The following HSPB7 variants were observed in gnomAD, a reference collection of about 807,000 sequenced individuals.
HSPB7 encodes the protein heat shock protein beta-7.
HSPB7 carries 9 observed loss-of-function variants against 11.0 expected under a neutral mutation model. That is an observed-to-expected ratio of 0.82 (90% confidence interval 0.49 to 1.43). HSPB7 has a LOEUF of 1.43. Among genes scored for constraint, HSPB7 ranks in the 40% most tolerant of loss-of-function variants. The pLI is 0.00. For missense variants in HSPB7, 246 were observed against 243.9 expected, an observed-to-expected ratio of 1.01 and a Z score of -0.06; for synonymous variants, 102 against 101.6, an observed-to-expected ratio of 1.00 and a Z score of -0.02.
At chr1:16,016,411 G>C (rs750586168) in intron 2 of HSPB7, among the ~76,000 whole-genome samples, 13 of 152,202 alleles carry the variant, frequency 8.5e-5, no homozygotes, top group Non-Finnish European at 1.6e-4. Context: ...CCCCTGTTCA[G>C]GCCTGGCCAT....
upstream of HSPB7, chr1:16,018,415 C>T (rs929585247): frequency 1.7e-6 from 2 of 1,172,796 alleles, no homozygotes; most frequent in Non-Finnish European, 2.1e-6. Context: ...CTCTGGTTCT[C>T]CTCCACGGCT....
In HSPB7 at chr1:16,015,600, G is replaced by A. The variant is rs758535730; in HGVS notation, c.493C>T (p.Arg165Trp). ...PHTEHVQQTFRTEIKI is the reference protein window; with the variant it reads ...PHTEHVQQTFWTEIKI ...GGCACTCAGATTTTGATCTCCGTCCGGAAGGTCTGCTGGACGTGTTCTGTA... is the reference window on the plus strand; with the variant it reads ...GGCACTCAGATTTTGATCTCCGTCCAGAAGGTCTGCTGGACGTGTTCTGTA... Residue 165 changes from arginine to tryptophan, a missense_variant, in exon 3 of 3, where the codon CGG becomes TGG. Arg to Trp is a moderately radical substitution (Grantham distance 101, BLOSUM62 -3). Coordinates refer to ENST00000311890, the MANE Select transcript of HSPB7 (RefSeq NM_014424.5). The surrounding 1 kb of genome is among the most constrained non-coding windows in gnomAD (Gnocchi z 4.9). The A allele has an allele frequency of 8.7e-6, 14 of 1,613,954 alleles. No homozygotes were observed. The highest frequency in any genetic ancestry group is 5.5e-5 in the South Asian group (5 of 91,090).
In HSPB7 at chr1:16,014,054, A is replaced by T. The variant is rs1359592074; in HGVS notation, c.*1526T>A. 2 of 152,228 alleles carry T rather than the reference A, an allele frequency of 1.3e-5. No homozygotes were observed. Among genetic ancestry groups the T allele is most frequent in the African/African-American group, 4.8e-5 (2 of 41,428 alleles). The allele number at this position is 152,228 out of a possible 1,614,324, so 9.4% of individuals were successfully genotyped here. ...TCTGTGAGACTGTCCTTTATTGTGT[A>T]TACAGGTTCCAGCGTCAGGGCTCTC... On this transcript the variant is annotated 3_prime_UTR_variant, in exon 3 of 3. Transcript: ENST00000311890.
chr1:16,018,932 C>A, upstream of HSPB7: 1 of 1,139,182 alleles, frequency 8.8e-7, no homozygotes, highest in Non-Finnish European at 1.2e-6. Context: ...ATGTTACGGA[C>A]GGGGAAGCGA....
rs973616969 is a variant in HSPB7 at position 16,015,922 on chromosome 1, C to T, written c.334-163G>A. 1.3e-5 allele frequency among the ~76,000 whole-genome samples: 2 copies of T among 152,256 alleles called. No homozygotes were observed. Among genetic ancestry groups the T allele is most frequent in the Non-Finnish European group, 2.9e-5 (2 of 68,046 alleles). ...TGCCCAGGGTGGTGATGGCCACAGG[C>T]CAAAGGCTCTGCAGGGACAGCGCAG... On this transcript the variant is annotated intron_variant, in intron 2 of 2. Coordinates refer to ENST00000311890, the MANE Select transcript of HSPB7 (RefSeq NM_014424.5). This position sits in a 1 kb window ranked among gnomAD's most constrained non-coding sequence, Gnocchi z 4.9.
At position 16,017,073 on chromosome 1, in the gene HSPB7, CCTT is replaced by C; in HGVS notation, c.331_333del (p.Lys111del). The C allele has an allele frequency of 6.2e-7, 1 of 1,605,254 alleles. No homozygotes were observed. ...CGGTGAGTAGGGGGTGGGGGGCTCA[CCTT>C]CTCAGCCCGCACCTCGATGTGGTTG... On this transcript the variant is annotated inframe_deletion and splice_region_variant, in exon 2 of 3. Coordinates refer to ENST00000311890, the MANE Select transcript of HSPB7 (RefSeq NM_014424.5).
At position 16,015,724 on chromosome 1, in the gene HSPB7, A is replaced by G; in HGVS notation, c.369T>C (p.Ala123=). The G allele has an allele frequency of 6.2e-7, 1 of 1,608,894 alleles. No homozygotes were observed. Among genetic ancestry groups the G allele is most frequent in the Non-Finnish European group, 8.5e-7 (1 of 1,177,156 alleles). Residue 123 remains alanine, a synonymous_variant, in exon 3 of 3, where the codon GCT becomes GCC. Transcript: ENST00000311890. The surrounding 1 kb of genome is among the most constrained non-coding windows in gnomAD (Gnocchi z 4.9). ...CGTCCTCCGGCAGCTGGCACTTGTG[A>G]GCGAAGGTGTTCATGACAGTGCCGT... ...AADGTVMNTF[A]HKCQLPEDVD...
chr1:16,018,529 C>T (rs567149992), upstream of HSPB7: 3 of 1,086,126 alleles, frequency 2.8e-6, no homozygotes, highest in East Asian at 1.9e-4. Flanking sequence ...ACAACCTTCA[C>T]AGCCCATCTC....
upstream of HSPB7, chr1:16,019,103 C>T: frequency 6.6e-7 from 1 of 1,515,346 alleles, no homozygotes; most frequent in Non-Finnish European, 8.9e-7. Flanking sequence ...CCTCCCTACC[C>T]ACCTGCTTGC....
chr1:16,018,236 G>C, upstream of HSPB7: 1 of 1,448,836 alleles, frequency 6.9e-7, no homozygotes, highest in Non-Finnish European at 9.2e-7. Context: ...ATTCCAGGCT[G>C]ATCACAGCAG....
In HSPB7 at chr1:16,015,661, G is replaced by T; in HGVS notation, c.432C>A (p.Asp144Glu). Residue 144 changes from aspartate to glutamate, a missense_variant, in exon 3 of 3, where the codon GAC becomes GAA. Asp to Glu is a conservative substitution (Grantham distance 45). Transcript: ENST00000311890. The surrounding 1 kb of genome is among the most constrained non-coding windows in gnomAD (Gnocchi z 4.9). ...GCCGTGCCCGGATAGTGAGGCTGCC[G>T]TCCTCCCGCAGAGCCGAGGTCACCG... ...PTSVTSALRE[D>E]GSLTIRARRH... is the part of the protein sequence containing the mutation. The T allele has an allele frequency of 6.2e-7, 1 of 1,613,712 alleles. No individual in the cohort carries two copies. Among genetic ancestry groups the T allele is most frequent in the Non-Finnish European group, 8.5e-7 (1 of 1,179,876 alleles).
In HSPB7 at chr1:16,017,104, G is replaced by A. The variant is rs1344791197; in HGVS notation, c.303C>T (p.Ser101=). The change falls in exon 2 of 3, where the codon TCC becomes TCT. Residue 101 remains serine (S), a synonymous_variant. Coordinates refer to ENST00000311890, the MANE Select transcript of HSPB7 (RefSeq NM_014424.5). ...FSPEDIIVTT[S]NNHIEVRAEK... ...CAGCCCGCACCTCGATGTGGTTGTTGGAGGTGGTGACAATGATGTCTTCAG... is the reference window on the plus strand; with the variant it reads ...CAGCCCGCACCTCGATGTGGTTGTTAGAGGTGGTGACAATGATGTCTTCAG... 1.9e-6 allele frequency: 3 copies of A among 1,612,578 alleles called. No homozygotes were observed. The Admixed American group carries it at 5.0e-5, about 27-fold the overall frequency.
rs777373080 is a variant in HSPB7, at chr1:16,017,901, G to A, written c.63C>T (p.Ser21=). 9 of 1,613,392 alleles carry A rather than the reference G, an allele frequency of 5.6e-6. No homozygotes were observed. In the African/African-American group the frequency reaches 1.2e-4, roughly 22 times the overall value. The change falls in exon 1 of 3, where the codon TCC becomes TCT. Residue 21 remains serine, a synonymous_variant. Coordinates refer to ENST00000311890, the MANE Select transcript of HSPB7 (RefSeq NM_014424.5). ...AERSFHSSSS[S]SSSSTSSSAS... is the part of the protein sequence containing the mutation. ...CCGAGGAGGAGGTGGAAGAGGAGGA[G>A]GAAGAGGAAGAGGAATGGAAACTTC...
At chr1:16,019,496 A>G, upstream of HSPB7, 4 of 1,520,262 alleles carry the variant, frequency 2.6e-6, no homozygotes, top group Non-Finnish European at 3.5e-6. Context: ...GAAGACGGGC[A>G]GTTTCTCTTT....
chr1:16,018,957 G>A, upstream of HSPB7: 1 of 1,042,348 alleles, frequency 9.6e-7, no homozygotes, highest in Non-Finnish European at 1.3e-6. Context: ...TCTTGGAAAG[G>A]GCGGGGCTCG....
At chr1:16,016,569 G>C (rs530559637) in intron 2 of HSPB7, among the ~76,000 whole-genome samples, 1 of 152,294 alleles carries the variant, frequency 6.6e-6, no homozygotes, top group East Asian at 1.9e-4. Context: ...GCCCAGCCTC[G>C]GGCCTAATTT....
upstream of HSPB7, chr1:16,018,533 C>T (rs2021936501): frequency 1.8e-6 from 2 of 1,083,258 alleles, no homozygotes; most frequent in Non-Finnish European, 2.2e-6. Flanking sequence ...CCTTCACAGC[C>T]CATCTCTAAG....
At chr1:16,017,230 C>A (rs375905806) in intron 1 of HSPB7, 23 bp from the exon 2 acceptor site, 1 of 1,609,388 alleles carries the variant, frequency 6.2e-7, no homozygotes, top group South Asian at 1.1e-5. Flanking sequence ...CTGCTGTGAG[C>A]GAGGCATGGA....
rs182107635 is a variant in HSPB7, at chr1:16,015,163, C to A, written c.*417G>T. On this transcript the variant is annotated 3_prime_UTR_variant, in exon 3 of 3. Coordinates refer to ENST00000311890, the MANE Select transcript of HSPB7 (RefSeq NM_014424.5). The surrounding 1 kb of genome is among the most constrained non-coding windows in gnomAD (Gnocchi z 4.9). ...TGACCTTCCCTCTGTCCCTCCCACT[C>A]CCCTTGGCCAAGAGGGTTCCAGGTC... 245 of 164,220 alleles carry A rather than the reference C, an allele frequency of 1.5e-3. No homozygotes were observed. The highest frequency in any genetic ancestry group is 2.7e-3 in the Non-Finnish European group (199 of 75,024). The allele number at this position is 164,220 out of a possible 1,614,324, so 10.2% of individuals were successfully genotyped here.
Sources: gnomAD v4.1 joint callset for allele counts (sites outside exome capture counted in the v4.1 genomes callset) on GRCh38, gnomAD v4.1.1 for gene constraint, Gnocchi (gnomAD v3.1) non-coding constraint, MANE v1.5 for transcripts, NCBI Gene and HGNC (gene_info 2026-07-23, HGNC 2026-07-21) for gene names.